The following ZFR variants were observed in gnomAD, a reference collection of about 807,000 sequenced individuals.
ZFR encodes the protein zinc finger RNA binding protein.
A neutral mutation model predicts 130.7 loss-of-function variants in ZFR; 19 were observed. That is an observed-to-expected ratio of 0.15 (90% CI 0.10 to 0.21). The LOEUF is 0.21. Among genes scored for constraint, ZFR ranks in the 10% least tolerant of loss-of-function variants. The pLI, the probability that ZFR is intolerant of heterozygous loss-of-function variation, is 1.00. For missense variants in ZFR, 872 were observed against 1,321.5 expected, an observed-to-expected ratio of 0.66 and a Z score of 5.27; for synonymous variants, 466 against 456.9, an observed-to-expected ratio of 1.02 and a Z score of -0.25.
chr5:32,438,980 C>T (rs1754400799), intron 2 of ZFR, among the ~76,000 whole-genome samples: 1 of 152,106 alleles, frequency 6.6e-6, no homozygotes, highest in African/African-American at 2.4e-5. Flanking sequence ...CTATATAGTT[C>T]CAAAGTTATG....
chr5:32,401,744 T>TA (rs1753452097), intron 8 of ZFR, among the ~76,000 whole-genome samples: 1 of 152,040 alleles, frequency 6.6e-6, no homozygotes, highest in Non-Finnish European at 1.5e-5. Flanking sequence ...TTTAATGAAA[T>TA]AAGAGTGTGG....
chr5:32,417,769 G>A lies in ZFR; in HGVS notation c.444C>T (p.Ser148=). The A allele has an allele frequency of 6.2e-7, 1 of 1,613,800 alleles. No homozygotes were observed. The highest frequency in any genetic ancestry group is 1.1e-5 in the South Asian group (1 of 91,070). Residue 148 remains serine (S), a synonymous_variant, in exon 4 of 20, where the codon TCC becomes TCT. Coordinates refer to ENST00000265069, the MANE Select transcript of ZFR (RefSeq NM_016107.5). ...NYQDSYSYVR[S]TAPAVAYDSK... ...TATCATAAGCTACAGCAGGAGCTGT[G>A]GACCTTACATATGAGTATGAATCCT...
At chr5:32,434,700 C>T (rs1458100171) in intron 2 of ZFR, among the ~76,000 whole-genome samples, 3 of 152,062 alleles carry the variant, frequency 2.0e-5, no homozygotes, top group Admixed American at 6.6e-5. Context: ...GTTTAAGATC[C>T]CATGATGTAA....
intron 6 of ZFR, among the ~76,000 whole-genome samples, chr5:32,405,604 T>C (rs894812120): frequency 4.6e-5 from 7 of 152,240 alleles, no homozygotes; most frequent in Non-Finnish European, 8.8e-5. Context: ...TGTCCAAGTC[T>C]GGCACTCATG....
rs1053894892 is a variant in ZFR at position 32,414,976 on chromosome 5, T to C, written c.777A>G (p.Thr259=). ...ACAGTTTATCAGTCTTACCAGAATA[T>C]GTAACTGCTGTGGTACTGTAAGTAG... The part of the protein sequence containing the change: ...QSATYSTTAV[T]YSGTSYSGYE... Residue 259 remains threonine, a synonymous_variant, in exon 5 of 20, where the codon ACA becomes ACG. Transcript: ENST00000265069. 1 of 1,613,170 alleles carries C rather than the reference T, an allele frequency of 6.2e-7. No homozygotes were observed. The highest frequency in any genetic ancestry group is 8.5e-7 in the Non-Finnish European group (1 of 1,179,462).
chr5:32,428,473 C>T (rs982453946), intron 2 of ZFR, among the ~76,000 whole-genome samples: 28 of 152,250 alleles, frequency 1.8e-4, no homozygotes, highest in African/African-American at 6.7e-4. Context: ...ACTCAAGAGG[C>T]TGAGACAGGA....
chr5:32,356,357 C>T (rs1450904335), intron 19 of ZFR, among the ~76,000 whole-genome samples: 1 of 152,146 alleles, frequency 6.6e-6, no homozygotes, highest in East Asian at 1.9e-4. Flanking sequence ...TGTGGATGTA[C>T]CAAACTTATT....
intron 17 of ZFR, among the ~76,000 whole-genome samples, chr5:32,365,565 CT>C (rs1324802065): frequency 2.6e-5 from 4 of 151,770 alleles, no homozygotes; most frequent in Non-Finnish European, 5.9e-5. Context: ...GTTCAAGATT[CT>C]TTTTTATTTT....
rs1358158502 is a variant in ZFR at position 32,354,904 on chromosome 5, G to C, written c.*856C>G. The C allele has an allele frequency of 6.6e-6, 1 of 152,134 alleles. No homozygotes were observed. The highest frequency in any genetic ancestry group is 1.9e-4 in the East Asian group (1 of 5,202). 9.4% of individuals were successfully genotyped at this position (152,134 alleles called of 1,614,324 possible). On this transcript the variant is annotated 3_prime_UTR_variant, in exon 20 of 20. Coordinates refer to ENST00000265069, the MANE Select transcript of ZFR (RefSeq NM_016107.5). Reference sequence around the variant, plus strand: ...CTTATACACAAGAAAAAAATATTCAGAAAGTTATTTTTGGCCTTGCTATGT... The same window carrying C: ...CTTATACACAAGAAAAAAATATTCACAAAGTTATTTTTGGCCTTGCTATGT...
chr5:32,404,881 A>G (rs187698878), intron 6 of ZFR, among the ~76,000 whole-genome samples: 1 of 152,112 alleles, frequency 6.6e-6, no homozygotes, highest in African/African-American at 2.4e-5. Flanking sequence ...CGGTGGCACA[A>G]TCTTGGGTCA....
At chr5:32,375,732 C>G (rs1463024802) in intron 17 of ZFR, among the ~76,000 whole-genome samples, 4 of 152,158 alleles carry the variant, frequency 2.6e-5, no homozygotes, top group Admixed American at 1.3e-4. Flanking sequence ...GTCTCCAACT[C>G]CGGGACTCAA....
At chr5:32,391,922 T>C (rs2963975) in intron 11 of ZFR, among the ~76,000 whole-genome samples, 141,788 of 152,082 alleles carry the variant, frequency 0.93, 66,153 homozygotes, top group Non-Finnish European at 0.94. Context: ...TTTGTAGAGA[T>C]GGGGTCTTGT....
At chr5:32,444,056 A>C (rs1205893699) in intron 2 of ZFR, among the ~76,000 whole-genome samples, 173 bp downstream of exon 2, 90 of 120,088 alleles carry the variant, frequency 7.5e-4, no homozygotes, top group Non-Finnish European at 1.2e-3. Flanking sequence ...CGGGCCGGGC[A>C]AGGCGGGGCG....
At position 32,380,162 on chromosome 5, in the gene ZFR, C is replaced by T; in HGVS notation, c.2652G>A (p.Ser884=). ...EENMREGDVT[S]GMVKDPPDVL... ...CGTCCGGTGGGTCTTTCACCATACC[C>T]GAGGTTACATCTAAAATGGATTGAA... Residue 884 remains serine, a synonymous_variant, in exon 16 of 20, where the codon TCG becomes TCA. Coordinates refer to ENST00000265069, the MANE Select transcript of ZFR (RefSeq NM_016107.5). 1 of 1,613,762 alleles carries T rather than the reference C, an allele frequency of 6.2e-7. No homozygotes were observed. The highest frequency in any genetic ancestry group is 8.5e-7 in the Non-Finnish European group (1 of 1,179,748).
intron 19 of ZFR, among the ~76,000 whole-genome samples, chr5:32,359,740 G>C (rs965580313): frequency 3.3e-5 from 5 of 152,202 alleles, no homozygotes; most frequent in African/African-American, 1.2e-4. Flanking sequence ...CACGAGGTCA[G>C]GAGTTCGACA....
chr5:32,433,953 G>T (rs1284637925), intron 2 of ZFR, among the ~76,000 whole-genome samples: 3 of 152,160 alleles, frequency 2.0e-5, no homozygotes, highest in African/African-American at 2.4e-5. Flanking sequence ...CATGCCTGTA[G>T]TCCCACTTAG....
At chr5:32,372,256 T>G (rs879448883) in intron 17 of ZFR, among the ~76,000 whole-genome samples, 1 of 152,218 alleles carries the variant, frequency 6.6e-6, no homozygotes, top group Non-Finnish European at 1.5e-5. Flanking sequence ...TTTGTACTTG[T>G]GTGGAACATA....
At chr5:32,415,392 T>C (rs1416135879) in intron 4 of ZFR, among the ~76,000 whole-genome samples, 1 of 152,162 alleles carries the variant, frequency 6.6e-6, no homozygotes, top group Non-Finnish European at 1.5e-5. Flanking sequence ...TTCTGCCAAA[T>C]GCTTTCTATG....
In ZFR at chr5:32,409,731, T is replaced by C. The variant is rs528036973; in HGVS notation, c.785-2710A>G. ...CCGAATATTTTCAGTTCATGGTTGA[T>C]TGAATCCATGGTTGCTGAACCGATG... On this transcript the variant is annotated intron_variant, in intron 5 of 19. Transcript: ENST00000265069. Among the ~76,000 whole-genome samples, 69 of 152,334 alleles carry C rather than the reference T, an allele frequency of 4.5e-4. 1 individual carries two copies. The highest frequency in any genetic ancestry group is 1.5e-3 in the African/African-American group (64 of 41,586).
Sources: gnomAD v4.1 joint callset for allele counts (sites outside exome capture counted in the v4.1 genomes callset) on GRCh38, gnomAD v4.1.1 for gene constraint, MANE v1.5 for transcripts, NCBI Gene and HGNC (gene_info 2026-07-23, HGNC 2026-07-21) for gene names.